TARS2: variants seen among roughly 807,000 people sequenced by gnomAD.
The protein encoded by TARS2 is threonine--tRNA ligase, mitochondrial.
In TARS2, 61 loss-of-function variants were observed where a neutral mutation model predicts 94.4. The ratio of observed to expected loss-of-function variants is 0.65; its 90% CI spans 0.53 to 0.80. TARS2 has a LOEUF of 0.80. TARS2 is among the 30% of genes least tolerant of loss of function. The pLI, the probability that TARS2 is intolerant of heterozygous loss-of-function variation, is 0.00. For missense variants in TARS2, 704 were observed against 902.5 expected, an observed-to-expected ratio of 0.78 and a Z score of 2.82; for synonymous variants, 359 against 353.4, an observed-to-expected ratio of 1.02 and a Z score of -0.18.
At chr1:150,501,659 A>C (rs1346727428) in intron 13 of TARS2, among the ~76,000 whole-genome samples, 2 of 151,586 alleles carry the variant, frequency 1.3e-5, no homozygotes, top group African/African-American at 4.8e-5. Context: ...ATTTAAAACA[A>C]ATTTTAAAAT....
intron 11 of TARS2, 65 bp from the exon 12 acceptor site, chr1:150,498,831 CA>C: frequency 1.2e-6 from 2 of 1,611,016 alleles, no homozygotes; most frequent in Non-Finnish European, 1.7e-6. Context: ...TTGTTTTCCT[CA>C]AACTGCCAGC....
chr1:150,501,293 CAAA>C (rs58418387), intron 13 of TARS2, among the ~76,000 whole-genome samples: 36 of 113,376 alleles, frequency 3.2e-4, no homozygotes, highest in Admixed American at 8.4e-4. Flanking sequence ...CTCGTCTCTA[CAAA>C]AAAAAATTTT....
At chr1:150,501,628 G>A (rs1160803346) in intron 13 of TARS2, among the ~76,000 whole-genome samples, 1 of 151,246 alleles carries the variant, frequency 6.6e-6, no homozygotes, top group Non-Finnish European at 1.5e-5. Flanking sequence ...GAGCCACTGC[G>A]CCCGACCGTC....
intron 13 of TARS2, among the ~76,000 whole-genome samples, chr1:150,500,767 TGA>T (rs1341019337): frequency 6.6e-6 from 1 of 152,056 alleles, no homozygotes; most frequent in Non-Finnish European, 1.5e-5. Context: ...GAGGTTGCAG[TGA>T]GCCGAGGTCG....
intron 9 of TARS2, 134 bp downstream of exon 9, chr1:150,497,042 G>A (rs972874533): frequency 2.9e-5 from 24 of 819,836 alleles, no homozygotes; most frequent in Admixed American, 5.3e-5. Flanking sequence ...TAGCACTTTC[G>A]GAGGCTGAGC....
In TARS2 at chr1:150,499,038, A is replaced by T. The variant is rs750905744; in HGVS notation, c.1539+4A>T. On this transcript the variant is annotated splice_donor_region_variant and intron_variant, in intron 12 of 17. Coordinates refer to ENST00000369064, the MANE Select transcript of TARS2 (RefSeq NM_025150.5). ...CCTTTGGGACCAGGCCGAACAGGTG[A>T]GTAGGAGGTAGAGAAATAGAGGCAG... The T allele has an allele frequency of 1.2e-6, 2 of 1,614,030 alleles. No homozygotes were observed. The highest frequency in any genetic ancestry group is 2.7e-5 in the African/African-American group (2 of 75,024).
chr1:150,492,809 C>CAAAAAAAAAA (rs750302051), intron 7 of TARS2, among the ~76,000 whole-genome samples: 24 of 67,254 alleles, frequency 3.6e-4, no homozygotes, highest in African/African-American at 1.0e-3. Context: ...GAGTCCATCT[C>CAAAAAAAAAA]AAAAAAAAAA....
At position 150,487,457 on chromosome 1, in the gene TARS2, C is replaced by T; in HGVS notation, c.7C>T (p.Leu3=). Residue 3 remains leucine (L), a synonymous_variant, in exon 1 of 18, where the codon CTG becomes TTG. Transcript: ENST00000369064. MA[L]YQRWRCLRLQ... ...GGCACTGGTGTGAAGGAACATGGCCCTGTATCAGAGGTGGCGGTGTCTCCG... is the reference window on the plus strand; with the variant it reads ...GGCACTGGTGTGAAGGAACATGGCCTTGTATCAGAGGTGGCGGTGTCTCCG... The T allele has an allele frequency of 6.2e-7, 1 of 1,614,212 alleles. No homozygotes were observed. The highest frequency in any genetic ancestry group is 8.5e-7 in the Non-Finnish European group (1 of 1,180,046).
chr1:150,507,002 G>T lies in TARS2; in HGVS notation c.2095G>T (p.Ala699Ser), dbSNP rs938544816. 1.2e-6 allele frequency: 2 copies of T among 1,614,174 alleles called. No homozygotes were observed. Among genetic ancestry groups the T allele is most frequent in the Non-Finnish European group, 8.5e-7 (1 of 1,180,032 alleles). Residue 699 changes from alanine (A) to serine (S), a missense_variant, in exon 18 of 18, where the codon GCT becomes TCT. Physicochemically the swap from Ala to Ser is moderately conservative, Grantham distance 99. Coordinates refer to ENST00000369064, the MANE Select transcript of TARS2 (RefSeq NM_025150.5). Reference sequence around the variant, plus strand: ...CCTTGGGGAGTGGGACTTGCCTGAGGCTGTGCAGCGACTGGTGGAGCTACA... The same window carrying T: ...CCTTGGGGAGTGGGACTTGCCTGAGTCTGTGCAGCGACTGGTGGAGCTACA... ...RRLGEWDLPE[A>S]VQRLVELQNT... is the part of the protein sequence containing the mutation.
intron 7 of TARS2, among the ~76,000 whole-genome samples, chr1:150,492,890 CTT>C (rs780191451): frequency 2.8e-5 from 4 of 143,642 alleles, no homozygotes; most frequent in Non-Finnish European, 3.1e-5. Context: ...CGGCACCCCC[CTT>C]TTTTTTTTTT....
At chr1:150,488,155 C>T (rs185260910) in intron 2 of TARS2, 101 bp downstream of exon 2, 151 of 1,349,588 alleles carry the variant, frequency 1.1e-4, no homozygotes, top group Non-Finnish European at 1.5e-4. Flanking sequence ...GTTTCTGTTC[C>T]GTCCCCATTA....
At chr1:150,502,650 A>G (rs1466939926) in intron 13 of TARS2, among the ~76,000 whole-genome samples, 3 of 152,112 alleles carry the variant, frequency 2.0e-5, no homozygotes, top group Admixed American at 6.6e-5. Flanking sequence ...CGGCCTCCCA[A>G]AGTGCTGGGA....
chr1:150,491,472 G>A lies in TARS2; in HGVS notation c.591G>A (p.Arg197=). 1 of 1,614,206 alleles carries A rather than the reference G, an allele frequency of 6.2e-7. No individual in the cohort carries two copies. Among genetic ancestry groups the A allele is most frequent in the Non-Finnish European group, 8.5e-7 (1 of 1,180,038 alleles). Residue 197 remains arginine (R), a synonymous_variant, in exon 5 of 18, where the codon AGG becomes AGA. Coordinates refer to ENST00000369064, the MANE Select transcript of TARS2 (RefSeq NM_025150.5). Reference sequence around the variant, plus strand: ...CAGCTGCTGCTCGACCCTTCCGGAGGCTAGAGGCTTCACGGGATCAGCTTC... The same window carrying A: ...CAGCTGCTGCTCGACCCTTCCGGAGACTAGAGGCTTCACGGGATCAGCTTC... The part of the protein sequence containing the change: ...ELTAAARPFR[R]LEASRDQLRQ...
intron 3 of TARS2, chr1:150,489,452 C>T (rs987652434): frequency 6.1e-6 from 2 of 330,024 alleles, no homozygotes; most frequent in Admixed American, 9.0e-5. Context: ...GGTCACCTCC[C>T]CACCTTGTCT....
intron 7 of TARS2, among the ~76,000 whole-genome samples, chr1:150,493,371 G>A (rs1669490703): frequency 6.6e-6 from 1 of 152,094 alleles, no homozygotes; most frequent in South Asian, 2.1e-4. Flanking sequence ...TACAGGGAAG[G>A]GTTGTAGAGA....
In TARS2 at chr1:150,504,953, G is replaced by C; in HGVS notation, c.1868G>C (p.Ser623Thr). 6.2e-7 allele frequency: 1 copy of C among 1,614,190 alleles called. No individual in the cohort carries two copies. The change falls in exon 16 of 18, where the codon AGT (serine) becomes ACT (threonine). Residue 623 changes from serine to threonine, a missense_variant. Transcript: ENST00000369064. ...CAGGTGGTGGTCATCCCTGTGGGGA[G>C]TGAGCAAGAGGAATACGCCAAAGAG... ...PFQVVVIPVG[S>T]EQEEYAKEAQ...
At chr1:150,493,858 A>C (rs1005142322) in intron 7 of TARS2, among the ~76,000 whole-genome samples, 1 of 151,230 alleles carries the variant, frequency 6.6e-6, no homozygotes, top group Admixed American at 6.6e-5. Context: ...TGTGTAGAGC[A>C]AAAAGCTCTG....
chr1:150,487,501 T>C lies in TARS2; in HGVS notation c.51T>C (p.Ala17=), dbSNP rs1281884564. The C allele has an allele frequency of 6.2e-7, 1 of 1,614,244 alleles. No homozygotes were observed. Among genetic ancestry groups the C allele is most frequent in the South Asian group, 1.1e-5 (1 of 91,090 alleles). Residue 17 remains alanine (A), a synonymous_variant, in exon 1 of 18, where the codon GCT becomes GCC. Coordinates refer to ENST00000369064, the MANE Select transcript of TARS2 (RefSeq NM_025150.5). The part of the protein sequence containing the change: ...WRCLRLQGLQ[A]CRLHTAVVST... ...GTCTCCGGCTCCAAGGTTTACAGGC[T>C]TGCAGGCTACACACGGTGCGTGAGG...
At chr1:150,497,447 G>A (rs1432972354) in intron 9 of TARS2, 83 bp from the exon 10 acceptor site, 2 of 1,341,326 alleles carry the variant, frequency 1.5e-6, no homozygotes, top group Non-Finnish European at 2.1e-6. Context: ...TGGCCTGAGG[G>A]CCCAGGAAGA....
Sources: gnomAD v4.1 joint callset for allele counts (sites outside exome capture counted in the v4.1 genomes callset) on GRCh38, gnomAD v4.1.1 for gene constraint, MANE v1.5 for transcripts, NCBI Gene and HGNC (gene_info 2026-07-23, HGNC 2026-07-21) for gene names.